Variants in B3GAT2 observed in about 807,000 individuals in gnomAD.
B3GAT2 encodes beta-1,3-glucuronyltransferase 2.
B3GAT2 carries 26 observed loss-of-function variants against 27.8 expected under a neutral mutation model. That is an observed-to-expected ratio of 0.93 (90% CI 0.68 to 1.30). The LOEUF is 1.30. B3GAT2 is among the 50% of genes most tolerant of loss of function. B3GAT2 has a pLI of 0.00. For synonymous variants in B3GAT2, 218 were observed against 195.1 expected (o/e 1.12, Z -0.98); for missense variants, 458 against 459.0 (o/e 1.00, Z 0.02).
In B3GAT2 at chr6:70,859,253, C is replaced by T. The variant is rs190901315; in HGVS notation, c.*2410G>A. On this transcript the variant is annotated 3_prime_UTR_variant, in exon 4 of 4. Coordinates refer to ENST00000230053, the MANE Select transcript of B3GAT2 (RefSeq NM_080742.3). Reference sequence around the variant, plus strand: ...TGCTAAGTGTCAGTCACATGGTCAACATGCTGAAGCACACCCAGCTCAGGT... The same window carrying T: ...TGCTAAGTGTCAGTCACATGGTCAATATGCTGAAGCACACCCAGCTCAGGT... The T allele has an allele frequency of 9.8e-6, 10 of 1,017,086 alleles. No individual in the cohort carries two copies. The East Asian group carries it at 2.4e-4, about 25-fold the overall frequency. 63.0% of individuals were successfully genotyped at this position (1,017,086 alleles called of 1,614,324 possible).
rs1771639609 is a variant in B3GAT2, at chr6:70,860,022, TAAA to T, written c.*1638_*1640del. On this transcript the variant is annotated 3_prime_UTR_variant, in exon 4 of 4. Coordinates refer to ENST00000230053, the MANE Select transcript of B3GAT2 (RefSeq NM_080742.3). ...GGGGAAACTGTATCTAGAAAGTAGA[TAAA>T]GAAGGGAACAAAGTAGCTATTTGCT... The T allele has an allele frequency of 3.4e-6, 2 of 582,368 alleles. No homozygotes were observed. Among genetic ancestry groups the T allele is most frequent in the Non-Finnish European group, 5.4e-6 (2 of 369,360 alleles). The allele number at this position is 582,368 out of a possible 1,614,324, so 36.1% of individuals were successfully genotyped here.
At chr6:70,942,753 A>G (rs1406804743) in intron 1 of B3GAT2, among the ~76,000 whole-genome samples, 4 of 152,214 alleles carry the variant, frequency 2.6e-5, no homozygotes, top group Admixed American at 2.6e-4. Flanking sequence ...GTGGTAGAGA[A>G]GGCCTACTGA....
chr6:70,893,966 G>C (rs895646675), intron 2 of B3GAT2, among the ~76,000 whole-genome samples, 162 bp downstream of exon 2: 29 of 152,248 alleles, frequency 1.9e-4, no homozygotes, highest in Non-Finnish European at 2.6e-4. Flanking sequence ...TCTAACCAAA[G>C]AGCCTATTTT....
intron 2 of B3GAT2, among the ~76,000 whole-genome samples, chr6:70,876,604 A>C (rs1482924455): frequency 2.0e-5 from 3 of 152,260 alleles, no homozygotes; most frequent in Non-Finnish European, 2.9e-5. Context: ...CTGGAAACAT[A>C]GTAAGCATTC....
chr6:70,866,423 A>G (rs910884250), intron 2 of B3GAT2, among the ~76,000 whole-genome samples: 3 of 152,246 alleles, frequency 2.0e-5, no homozygotes, highest in South Asian at 2.1e-4. Flanking sequence ...CATTACATAT[A>G]TATGTGTTTT....
rs968459753 is a variant in B3GAT2 at position 70,857,851 on chromosome 6, C to T, written c.*3812G>A. ...TGAGTAGTTCAGAAAGGCAATTTTT[C>T]TGTGATTATAGAGATGAGTGCAACT... On this transcript the variant is annotated 3_prime_UTR_variant, in exon 4 of 4. Transcript: ENST00000230053. 3.3e-6 allele frequency: 5 copies of T among 1,531,052 alleles called. No individual in the cohort carries two copies. The highest frequency in any genetic ancestry group is 1.9e-5 in the Admixed American group (1 of 53,498). 94.8% of individuals were successfully genotyped at this position (1,531,052 alleles called of 1,614,324 possible).
Position 70,857,975 on chromosome 6 carries a change from T to C in B3GAT2, c.*3688A>G. On this transcript the variant is annotated 3_prime_UTR_variant, in exon 4 of 4. Transcript: ENST00000230053. ...ATTTACCTCACAAGCACCAGCTGCA[T>C]TTCAGGGCTTTCCATCGATGGGCGT... 1 of 1,614,156 alleles carries C rather than the reference T, an allele frequency of 6.2e-7. No homozygotes were observed. Among genetic ancestry groups the C allele is most frequent in the South Asian group, 1.1e-5 (1 of 91,078 alleles).
chr6:70,862,099 G>C, intron 2 of B3GAT2, 121 bp from the exon 3 acceptor site: 1 of 891,096 alleles, frequency 1.1e-6, no homozygotes, highest in Non-Finnish European at 1.7e-6. Context: ...TCAGGTCTTG[G>C]TTTACAAAGT....
rs1021300299 is a variant in B3GAT2 at position 70,893,994 on chromosome 6, A to G, written c.736+134T>C. The G allele has an allele frequency of 5.2e-6, 5 of 956,052 alleles. No individual in the cohort carries two copies. The African/African-American group carries it at 8.3e-5, about 16-fold the overall frequency. 59.2% of individuals were successfully genotyped at this position (956,052 alleles called of 1,614,324 possible). On this transcript the variant is annotated intron_variant, in intron 2 of 3. Coordinates refer to ENST00000230053, the MANE Select transcript of B3GAT2 (RefSeq NM_080742.3). ...CCTATTTTGAAGGTTTAAATATTTC[A>G]TCTCCTGAATATGATATGATGTAGG... is the stretch of plus-strand genomic sequence containing the variant.
intron 1 of B3GAT2, among the ~76,000 whole-genome samples, chr6:70,912,777 T>G (rs1487899106): frequency 6.6e-6 from 1 of 152,148 alleles, no homozygotes; most frequent in Non-Finnish European, 1.5e-5. Context: ...TCTGGCAGAA[T>G]TTGGTTGTGG....
At chr6:70,922,734 T>C (rs1473739126) in intron 1 of B3GAT2, among the ~76,000 whole-genome samples, 1 of 150,672 alleles carries the variant, frequency 6.6e-6, no homozygotes, top group African/African-American at 2.4e-5. Context: ...GGTAGAAAAA[T>C]CAAAGATCTA....
At chr6:70,897,671 ATAT>A (rs1253099123) in intron 1 of B3GAT2, among the ~76,000 whole-genome samples, 2,574 of 32,246 alleles carry the variant, frequency 0.08, 39 homozygotes, top group East Asian at 0.27. Context: ...AAAAAAAAAA[ATAT>A]ATATATATAT....
intron 1 of B3GAT2, among the ~76,000 whole-genome samples, chr6:70,939,891 T>A (rs1256315578): frequency 6.6e-6 from 1 of 151,800 alleles, no homozygotes; most frequent in Non-Finnish European, 1.5e-5. Flanking sequence ...ACTTAAAGTA[T>A]AATAATAATA....
chr6:70,956,068 G>C lies in B3GAT2; in HGVS notation c.362C>G (p.Ala121Gly), dbSNP rs777538824. 2.5e-6 allele frequency: 4 copies of C among 1,588,990 alleles called. No individual in the cohort carries two copies. Among genetic ancestry groups the C allele is most frequent in the Admixed American group, 3.5e-5 (2 of 57,942 alleles). Residue 121 changes from alanine to glycine, a missense_variant, in exon 1 of 4, where the codon GCG (alanine) becomes GGG (glycine). By Grantham distance (60) the Ala-to-Gly change is moderately conservative (BLOSUM62 0). Transcript: ENST00000230053. ...GAAGCGGCTCACCAGCTCGCTGCGC[G>C]CCGCCGCGTCCTCCACCAGGATCCA... ...LHWILVEDAA[A>G]RSELVSRFLA...
At position 70,860,378 on chromosome 6, in the gene B3GAT2, CT is replaced by C; in HGVS notation, c.*1284del. On this transcript the variant is annotated 3_prime_UTR_variant, in exon 4 of 4. Coordinates refer to ENST00000230053, the MANE Select transcript of B3GAT2 (RefSeq NM_080742.3). ...CATCCAGAACTACCACCTGACATTC[CT>C]TGCTGAAACGCATCTAGTTCCCCTG... 6.4e-7 allele frequency: 1 copy of C among 1,569,526 alleles called. No homozygotes were observed. The highest frequency in any genetic ancestry group is 2.3e-5 in the East Asian group (1 of 44,208).
At chr6:70,884,245 G>T (rs1293911117) in intron 2 of B3GAT2, among the ~76,000 whole-genome samples, 4 of 152,102 alleles carry the variant, frequency 2.6e-5, no homozygotes, top group Non-Finnish European at 4.4e-5. Flanking sequence ...AAGCCATGGG[G>T]AGACCCGCTG....
chr6:70,946,211 C>A (rs913702787), intron 1 of B3GAT2, among the ~76,000 whole-genome samples: 2 of 152,056 alleles, frequency 1.3e-5, no homozygotes, highest in African/African-American at 4.8e-5. Flanking sequence ...GGATCAAATT[C>A]ACACATAACA....
Position 70,860,382 on chromosome 6 carries a change from C to A in B3GAT2, c.*1281G>T. ...CAGAACTACCACCTGACATTCCTTG[C>A]TGAAACGCATCTAGTTCCCCTGTTT... On this transcript the variant is annotated 3_prime_UTR_variant, in exon 4 of 4. Coordinates refer to ENST00000230053, the MANE Select transcript of B3GAT2 (RefSeq NM_080742.3). The A allele has an allele frequency of 6.4e-7, 1 of 1,567,726 alleles. No individual in the cohort carries two copies. Among genetic ancestry groups the A allele is most frequent in the South Asian group, 1.2e-5 (1 of 83,384 alleles).
chr6:70,908,013 C>T (rs997801620), intron 1 of B3GAT2, among the ~76,000 whole-genome samples: 3 of 152,300 alleles, frequency 2.0e-5, no homozygotes, highest in African/African-American at 7.2e-5. Context: ...CCAGAAGTTT[C>T]AACAATATAC....
Sources: allele counts gnomAD v4.1 joint callset (sites outside exome capture counted in the v4.1 genomes callset), GRCh38; gene constraint gnomAD v4.1.1; transcripts MANE v1.5; gene names NCBI Gene and HGNC (gene_info 2026-07-23, HGNC 2026-07-21).